PLXNB2: variants seen among roughly 807,000 people sequenced by gnomAD.
PLXNB2 encodes plexin-B2.
A neutral mutation model predicts 202.6 loss-of-function variants in PLXNB2; 85 were observed. The ratio of observed to expected loss-of-function variants is 0.42; its 90% CI spans 0.35 to 0.50. The LOEUF is 0.50. PLXNB2 is among the 20% of genes least tolerant of loss of function. The pLI is 0.02. For missense variants in PLXNB2, 2,063 were observed against 2,586.2 expected (o/e 0.80, Z 4.39); for synonymous variants, 1,239 against 1,137.6 (o/e 1.09, Z -1.79).
chr22:50,298,171 C>T (rs932312309), intron 1 of PLXNB2, among the ~76,000 whole-genome samples: 5 of 152,238 alleles, frequency 3.3e-5, no homozygotes, highest in East Asian at 1.9e-4. Flanking sequence ...TGCAGGGGCG[C>T]GAGCCCAGAA....
Position 50,283,933 on chromosome 22 carries a change from T to C in PLXNB2, c.2321A>G (p.Asn774Ser). The C allele has an allele frequency of 6.4e-7, 1 of 1,565,728 alleles. No homozygotes were observed. ...RSDCSLCRAA[N>S]PDYRCAWCGG... ...GCACCACGCACACCTGTAGTCGGGG[T>C]TAGCGGCCCGGCACAGGCTGCAGTC... is the stretch of plus-strand genomic sequence containing the variant. The change falls in exon 14 of 37, where the codon AAC becomes AGC. Residue 774 changes from asparagine to serine, a missense_variant. This residue lies in a region of PLXNB2 where 1,303 missense variants were observed against 1,476.8 expected (regional missense o/e 0.88). Transcript: ENST00000359337.
chr22:50,286,449 T>A (rs547111667), intron 8 of PLXNB2, among the ~76,000 whole-genome samples, 162 bp from the exon 9 acceptor site: 1 of 152,038 alleles, frequency 6.6e-6, no homozygotes, highest in Non-Finnish European at 1.5e-5. Flanking sequence ...GCCTGCCACC[T>A]GCTATCAGAT....
In PLXNB2 at chr22:50,285,969, TGAGGCCCC is replaced by T. The variant is rs1244524129; in HGVS notation, c.1986+13_1986+20del. ...AGCAGCCATGCCCTGAACAGTCCCC[TGAGGCCCC>T]GAGGCCCCTCACCATGTGGGCACGG... On this transcript the variant is annotated intron_variant, in intron 10 of 36. Coordinates refer to ENST00000359337, the MANE Select transcript of PLXNB2 (RefSeq NM_012401.4). The T allele has an allele frequency of 1.2e-6, 2 of 1,609,450 alleles. No homozygotes were observed. The highest frequency in any genetic ancestry group is 1.7e-5 in the Admixed American group (1 of 59,998).
intron 22 of PLXNB2, 58 bp downstream of exon 22, chr22:50,281,302 G>A (rs2065971079): frequency 1.9e-6 from 3 of 1,595,452 alleles, no homozygotes; most frequent in Non-Finnish European, 1.7e-6. Context: ...AGGCCAGAGG[G>A]GCCGAGGCGG....
rs200925999 is a variant in PLXNB2, at chr22:50,282,815, C to T, written c.2883G>A (p.Leu961=). ...CGGGGGACCCCCCGTAGGAGACCTC[C>T]AGAAGCATCTGGCCCCGTGTCGCCT... ...GPQATRGQML[L]EVSYGGSPVP... The change falls in exon 18 of 37, where the codon CTG becomes CTA. Residue 961 remains leucine (L), a synonymous_variant. Coordinates refer to ENST00000359337, the MANE Select transcript of PLXNB2 (RefSeq NM_012401.4). 6.3e-4 allele frequency: 1,023 copies of T among 1,613,082 alleles called. 1 individual carries two copies. Among genetic ancestry groups the T allele is most frequent in the Non-Finnish European group, 7.6e-4 (896 of 1,179,740 alleles).
At position 50,289,225 on chromosome 22, in the gene PLXNB2, GCCCTT is replaced by G; in HGVS notation, c.1069-88_1069-84del. On this transcript the variant is annotated intron_variant, in intron 3 of 36. Coordinates refer to ENST00000359337, the MANE Select transcript of PLXNB2 (RefSeq NM_012401.4). The surrounding 1 kb of genome is among the most constrained non-coding windows in gnomAD (Gnocchi z 8.0). ...ACTCGCGCTCCAAGACTCGGGACAG[GCCCTT>G]CCCTTCCCTCCGGCACACGTCCTAC... The G allele has an allele frequency of 1.6e-6, 2 of 1,268,586 alleles. No individual in the cohort carries two copies. The highest frequency in any genetic ancestry group is 2.1e-6 in the Non-Finnish European group (2 of 940,172). The allele number at this position is 1,268,586 out of a possible 1,614,324, so 78.6% of individuals were successfully genotyped here.
Position 50,284,004 on chromosome 22 carries a change from TG to T in PLXNB2, c.2264-15del, listed in dbSNP as rs1489576437. On this transcript the variant is annotated splice_polypyrimidine_tract_variant and intron_variant, in intron 13 of 36. Transcript: ENST00000359337. This position sits in a 1 kb window ranked among gnomAD's most constrained non-coding sequence, Gnocchi z 8.0. ...TGTAGAGGGTCACTGCGGGGAGAGC[TG>T]CCGTCAGTGGTCACCCCGTGCCTGC... is the stretch of plus-strand genomic sequence containing the variant. 6.5e-7 allele frequency: 1 copy of T among 1,533,320 alleles called. No individual in the cohort carries two copies. The highest frequency in any genetic ancestry group is 1.4e-5 in the African/African-American group (1 of 72,916). 95.0% of individuals were successfully genotyped at this position (1,533,320 alleles called of 1,614,324 possible).
At chr22:50,304,810 C>A (rs2067829330) in intron 1 of PLXNB2, among the ~76,000 whole-genome samples, 3 of 152,132 alleles carry the variant, frequency 2.0e-5, no homozygotes, top group Non-Finnish European at 4.4e-5. Context: ...ATCTCCCACC[C>A]CCAGAGAACC....
chr22:50,288,468 T>C lies in PLXNB2; in HGVS notation c.1380+275A>G, dbSNP rs930001856. Among the ~76,000 whole-genome samples the C allele has an allele frequency of 6.6e-6, 1 of 151,952 alleles. No homozygotes were observed. The highest frequency in any genetic ancestry group is 2.4e-5 in the African/African-American group (1 of 41,352). On this transcript the variant is annotated intron_variant, in intron 5 of 36. Transcript: ENST00000359337. The surrounding 1 kb of genome is among the most constrained non-coding windows in gnomAD (Gnocchi z 5.0). ...CAGACACCAACCCAGGTCCCTTCCATCAGGACAGGGCAGAGGCGGGGCCAG... is the reference window on the plus strand; with the variant it reads ...CAGACACCAACCCAGGTCCCTTCCACCAGGACAGGGCAGAGGCGGGGCCAG...
intron 34 of PLXNB2, 29 bp from the exon 35 acceptor site, chr22:50,276,733 G>A: frequency 6.2e-7 from 1 of 1,609,298 alleles, no homozygotes; most frequent in Non-Finnish European, 8.5e-7. Context: ...CATACAGTGT[G>A]GGCGGCAGGG....
At chr22:50,287,613 C>A in intron 7 of PLXNB2, 54 bp downstream of exon 7, 1 of 1,484,076 alleles carries the variant, frequency 6.7e-7, no homozygotes, top group Non-Finnish European at 9.0e-7. Context: ...ATGGGGGAGC[C>A]CCCACCTGGC....
rs771341886 is a variant in PLXNB2 at position 50,280,089 on chromosome 22, C to A, written c.4176-18G>T. 1.0e-4 allele frequency: 161 copies of A among 1,582,228 alleles called. No individual in the cohort carries two copies. Among genetic ancestry groups the A allele is most frequent in the Non-Finnish European group, 1.3e-4 (156 of 1,165,636 alleles). On this transcript the variant is annotated intron_variant, in intron 25 of 36. Transcript: ENST00000359337. ...TCTCAGACCTGGGGGTGCAGGGAGGCCTTGTACCGAGTGACCCCGTAGTAT... is the reference window on the plus strand; with the variant it reads ...TCTCAGACCTGGGGGTGCAGGGAGGACTTGTACCGAGTGACCCCGTAGTAT...
intron 2 of PLXNB2, among the ~76,000 whole-genome samples, chr22:50,292,732 C>A (rs575103116): frequency 6.6e-6 from 1 of 151,966 alleles, no homozygotes; most frequent in Non-Finnish European, 1.5e-5. Flanking sequence ...TCCACCTGCC[C>A]GTGGCAACCC....
At chr22:50,303,329 AG>A (rs1467915624) in intron 1 of PLXNB2, among the ~76,000 whole-genome samples, 2 of 152,222 alleles carry the variant, frequency 1.3e-5, no homozygotes, top group African/African-American at 2.4e-5. Flanking sequence ...TTGGACCAGC[AG>A]GGCAGGGGGG....
Position 50,286,121 on chromosome 22 carries a change from G to A in PLXNB2, c.1878-23C>T, listed in dbSNP as rs761653367. 7.4e-6 allele frequency: 12 copies of A among 1,611,384 alleles called. No individual in the cohort carries two copies. In the South Asian group the frequency reaches 1.3e-4, roughly 18 times the overall value. ...CACCTGCATCCAGAGGGGATCGTGA[G>A]CAGGGCTGGGGTGGACGGGCAGGGT... On this transcript the variant is annotated intron_variant, in intron 9 of 36. Coordinates refer to ENST00000359337, the MANE Select transcript of PLXNB2 (RefSeq NM_012401.4).
rs776753345 is a variant in PLXNB2, at chr22:50,280,612, G to A, written c.4052C>T (p.Ala1351Val). 2.5e-5 allele frequency: 41 copies of A among 1,612,600 alleles called. No individual in the cohort carries two copies. The highest frequency in any genetic ancestry group is 3.3e-5 in the Non-Finnish European group (39 of 1,179,906). ...EFSARAKVYF[A>V]SLLTVALHGK... ...GTGCAGCGCCACCGTCAGCAGGGACGCGAAGTAGACCTTGGCGCGGGCCGA... is the reference window on the plus strand; with the variant it reads ...GTGCAGCGCCACCGTCAGCAGGGACACGAAGTAGACCTTGGCGCGGGCCGA... Residue 1351 changes from alanine (A) to valine (V), a missense_variant, in exon 25 of 37, where the codon GCG becomes GTG. By Grantham distance (64) the Ala-to-Val change is moderately conservative. This residue lies in a region of PLXNB2 where 760 missense variants were observed against 1,109.4 expected (regional missense o/e 0.69). Coordinates refer to ENST00000359337, the MANE Select transcript of PLXNB2 (RefSeq NM_012401.4).
intron 8 of PLXNB2, among the ~76,000 whole-genome samples, chr22:50,286,544 G>A (rs2066468872): frequency 6.6e-6 from 1 of 152,218 alleles, no homozygotes; most frequent in East Asian, 1.9e-4. Context: ...GTCGGGCGCA[G>A]CACCGGGCTT....
intron 1 of PLXNB2, among the ~76,000 whole-genome samples, chr22:50,296,229 C>CACACACACAA (rs57020229): frequency 6.9e-6 from 1 of 145,806 alleles, no homozygotes; most frequent in African/African-American, 2.8e-5. Context: ...CACACACACA[C>CACACACACAA]AATAAAAAAG....
intron 1 of PLXNB2, chr22:50,300,281 C>G (rs1484366373): frequency 1.0e-6 from 1 of 985,164 alleles, no homozygotes; most frequent in Non-Finnish European, 1.2e-6. Context: ...GCTCACCTGG[C>G]GTCGGGCACA....
Sources: allele counts gnomAD v4.1 joint callset (sites outside exome capture counted in the v4.1 genomes callset), GRCh38; gene constraint gnomAD v4.1.1; regional missense constraint gnomAD v4.1.1; non-coding constraint Gnocchi (gnomAD v3.1); transcripts MANE v1.5; gene names NCBI Gene and HGNC (gene_info 2026-07-23, HGNC 2026-07-21).